The following CNOT6 variants were observed in gnomAD, a reference collection of about 807,000 sequenced individuals.
The protein encoded by CNOT6 is carbon catabolite repression 4 protein.
CNOT6 carries 12 observed loss-of-function variants against 61.2 expected under a neutral mutation model. The observed-to-expected ratio is 0.20, with a 90% confidence interval of 0.13 to 0.32. CNOT6 has a LOEUF of 0.32. Among genes scored for constraint, CNOT6 ranks in the 10% least tolerant of loss-of-function variants. The probability of loss-of-function intolerance (pLI) is 1.00; values close to 1 mark genes in which losing one functional copy is unlikely to be tolerated. For missense variants in CNOT6, 405 were observed against 663.9 expected, an observed-to-expected ratio of 0.61 and a Z score of 4.28; for synonymous variants, 225 against 240.6, an observed-to-expected ratio of 0.94 and a Z score of 0.60.
At chr5:180,553,266 G>T in intron 3 of CNOT6, 120 bp from the exon 4 acceptor site, 6 of 525,344 alleles carry the variant, frequency 1.1e-5, no homozygotes, top group Non-Finnish European at 1.4e-5. Flanking sequence ...ACTAGACATT[G>T]AAATATAACG....
intron 2 of CNOT6, among the ~76,000 whole-genome samples, chr5:180,535,045 G>A (rs1368147749): frequency 4.8e-5 from 5 of 103,526 alleles, no homozygotes; most frequent in African/African-American, 1.2e-4. Flanking sequence ...GGCATGGGCC[G>A]GAGTCCCTGG....
chr5:180,521,099 G>A (rs1315260544), intron 1 of CNOT6, among the ~76,000 whole-genome samples: 15 of 151,992 alleles, frequency 9.9e-5, no homozygotes, highest in African/African-American at 3.4e-4. Context: ...TTGGCCTCCC[G>A]AAGTGCTAGG....
intron 2 of CNOT6, among the ~76,000 whole-genome samples, chr5:180,545,101 T>C (rs1759246576): frequency 6.6e-6 from 1 of 150,476 alleles, no homozygotes; most frequent in Non-Finnish European, 1.5e-5. Flanking sequence ...TCTGTTCTGT[T>C]TATAGCAAAG....
chr5:180,539,615 A>G (rs1215003917), intron 2 of CNOT6, among the ~76,000 whole-genome samples: 2 of 88,224 alleles, frequency 2.3e-5, no homozygotes, highest in African/African-American at 4.8e-5. Context: ...TTTGAGACGG[A>G]GTCTTGTTCT....
At chr5:180,549,388 G>GC (rs1161919982) in intron 2 of CNOT6, among the ~76,000 whole-genome samples, 1 of 152,186 alleles carries the variant, frequency 6.6e-6, no homozygotes, top group Non-Finnish European at 1.5e-5. Flanking sequence ...AGTGGCTCAT[G>GC]CCTGTAACCC....
chr5:180,495,202 G>A (rs1329184623), intron 1 of CNOT6, among the ~76,000 whole-genome samples: 1 of 152,192 alleles, frequency 6.6e-6, no homozygotes, highest in Admixed American at 6.5e-5. Context: ...CTGTCAAGCG[G>A]GAAACCAACT....
At chr5:180,495,048 C>T (rs1199758396) in intron 1 of CNOT6, among the ~76,000 whole-genome samples, 4 of 152,160 alleles carry the variant, frequency 2.6e-5, no homozygotes, top group Non-Finnish European at 4.4e-5. Flanking sequence ...TCCCGGATCC[C>T]GGCCGGTCCC....
At chr5:180,553,623 C>G (rs983443942) in intron 4 of CNOT6, 152 bp downstream of exon 4, 2 of 613,788 alleles carry the variant, frequency 3.3e-6, no homozygotes, top group African/African-American at 3.7e-5. Flanking sequence ...GTTTTATCTT[C>G]TCTGTTCAGC....
chr5:180,515,646 T>C (rs1757599847), intron 1 of CNOT6, among the ~76,000 whole-genome samples: 1 of 152,098 alleles, frequency 6.6e-6, no homozygotes, highest in African/African-American at 2.4e-5. Context: ...TCAGTGGAAG[T>C]AGATTGGCAT....
rs1290786042 is a variant in CNOT6, at chr5:180,549,945, T to C, written c.127T>C (p.Leu43=). The change falls in exon 3 of 12, where the codon TTA becomes CTA. Residue 43 remains leucine (L), a synonymous_variant. Transcript: ENST00000261951. ...TTCTCTTACAGGAAAAGTAAGAAGC[T>C]TAAGCGCATCTTTGTGGTCACTAAC... ...ELEISGKVRS[L]SASLWSLTHL... The C allele has an allele frequency of 4.3e-6, 7 of 1,611,830 alleles. No homozygotes were observed. Among genetic ancestry groups the C allele is most frequent in the Non-Finnish European group, 5.9e-6 (7 of 1,178,140 alleles).
chr5:180,502,109 C>T (rs1050236760), intron 1 of CNOT6, among the ~76,000 whole-genome samples: 3 of 152,140 alleles, frequency 2.0e-5, no homozygotes, highest in African/African-American at 4.8e-5. Context: ...AGGTAGGCAC[C>T]TGTGTTAGTC....
chr5:180,509,842 T>TC (rs1213734859), intron 1 of CNOT6, among the ~76,000 whole-genome samples: 1 of 151,346 alleles, frequency 6.6e-6, no homozygotes, highest in African/African-American at 2.4e-5. Flanking sequence ...TTTTTTTTTT[T>TC]TTTTCACTAG....
intron 1 of CNOT6, among the ~76,000 whole-genome samples, chr5:180,508,512 G>A (rs1757234990): frequency 6.6e-6 from 1 of 152,088 alleles, no homozygotes; most frequent in Non-Finnish European, 1.5e-5. Context: ...GGGTTTCACC[G>A]TGTTGGCCAG....
In CNOT6 at chr5:180,574,402, A is replaced by G. The variant is rs1760919233; in HGVS notation, c.*202A>G. Reference sequence around the variant, plus strand: ...TGAGCCCAATATGCTTTATACTGCTAGACAGGGATTGGTGTGTTTGCACCT... The same window carrying G: ...TGAGCCCAATATGCTTTATACTGCTGGACAGGGATTGGTGTGTTTGCACCT... On this transcript the variant is annotated 3_prime_UTR_variant, in exon 12 of 12. Transcript: ENST00000261951. The G allele has an allele frequency of 1.7e-6, 1 of 593,590 alleles. No individual in the cohort carries two copies. Among genetic ancestry groups the G allele is most frequent in the Admixed American group, 3.0e-5 (1 of 33,776 alleles). The allele number at this position is 593,590 out of a possible 1,614,324, so 36.8% of individuals were successfully genotyped here. A position where few individuals can be genotyped will look rare whatever the true frequency, so the allele number is the denominator to read the frequency against.
At chr5:180,557,212 G>A (rs1478077334) in intron 4 of CNOT6, among the ~76,000 whole-genome samples, 1 of 152,180 alleles carries the variant, frequency 6.6e-6, no homozygotes, top group Non-Finnish European at 1.5e-5. Context: ...AACATTCAGT[G>A]TGCAGGTTAT....
rs1452982640 is a variant in CNOT6 at position 180,577,493 on chromosome 5, G to T, written c.*3293G>T. 6.6e-6 allele frequency: 1 copy of T among 152,590 alleles called. No homozygotes were observed. Among genetic ancestry groups the T allele is most frequent in the Non-Finnish European group, 1.5e-5 (1 of 68,020 alleles). The allele number at this position is 152,590 out of a possible 1,614,324, so 9.5% of individuals were successfully genotyped here. A position where few individuals can be genotyped will look rare whatever the true frequency, so the allele number is the denominator to read the frequency against. ...CACCGTTTTTTCAGTGAAGCTCTCA[G>T]AATGTCCAGTACAGATGTTGCAGAT... On this transcript the variant is annotated 3_prime_UTR_variant, in exon 12 of 12. Transcript: ENST00000261951.
At chr5:180,502,259 G>A (rs946501036) in intron 1 of CNOT6, among the ~76,000 whole-genome samples, 2 of 151,940 alleles carry the variant, frequency 1.3e-5, no homozygotes, top group Admixed American at 6.6e-5. Context: ...TTTTGCCTGC[G>A]GAATTTTATG....
intron 11 of CNOT6, among the ~76,000 whole-genome samples, chr5:180,573,552 AGTGTGTGTGT>A (rs755954581): frequency 7.8e-4 from 93 of 119,250 alleles, no homozygotes; most frequent in Middle Eastern, 4.4e-3. Flanking sequence ...GGAGGGGGGC[AGTGTGTGTGT>A]GTGTGTGTGT....
At chr5:180,503,902 GC>G (rs1757009242) in intron 1 of CNOT6, among the ~76,000 whole-genome samples, 2 of 152,104 alleles carry the variant, frequency 1.3e-5, no homozygotes, top group Non-Finnish European at 2.9e-5. Flanking sequence ...ACTGCGCCTG[GC>G]CCCTTTTTCT....
Sources: gnomAD v4.1 joint callset for allele counts (sites outside exome capture counted in the v4.1 genomes callset) on GRCh38, gnomAD v4.1.1 for gene constraint, MANE v1.5 for transcripts, NCBI Gene and HGNC (gene_info 2026-07-23, HGNC 2026-07-21) for gene names.